The following ZNF718 variants were observed in gnomAD, a reference collection of about 807,000 sequenced individuals.
ZNF718 encodes the protein zinc finger protein 718.
A neutral mutation model predicts 2.6 loss-of-function variants in ZNF718; 3 were observed. The observed-to-expected ratio is 1.16, with a 90% CI of 0.53 to 3.01. ZNF718 has a LOEUF of 3.01. Among genes scored for constraint, ZNF718 ranks in the 30% most tolerant of loss-of-function variants. ZNF718 has a pLI of 0.03. For synonymous variants in ZNF718, 135 were observed against 77.9 expected, an observed-to-expected ratio of 1.73 and a Z score of -3.86; for missense variants, 468 against 230.0, an observed-to-expected ratio of 2.03 and a Z score of -6.69.
Position 145,098 on chromosome 4 carries a change from C to G in ZNF718, c.226+13593C>G, listed in dbSNP as rs182786656. Among the ~76,000 whole-genome samples, 131 of 151,428 alleles carry G rather than the reference C, an allele frequency of 8.7e-4. 1 individual carries two copies. The highest frequency in any genetic ancestry group is 3.1e-3 in the African/African-American group (127 of 40,764). The stretch of plus-strand genomic sequence containing the variant: ...TTCATGAGAGTAGAGCTCTCATAAC[C>G]TAATAGCTTCTTAAGGGGCTCACTT... On this transcript the variant is annotated intron_variant, in intron 3 of 3. Coordinates refer to ENST00000510175, the MANE Select transcript of ZNF718 (RefSeq NM_001039127.6).
At chr4:154,135 C>T (rs1553813151) in intron 3 of ZNF718, among the ~76,000 whole-genome samples, 1 of 152,182 alleles carries the variant, frequency 6.6e-6, no homozygotes, top group Non-Finnish European at 1.5e-5. Flanking sequence ...GTCTTGCCTC[C>T]TGCCATATAT....
At chr4:179,412 C>T (rs1308490844) in intron 3 of ZNF718, among the ~76,000 whole-genome samples, 7 of 152,136 alleles carry the variant, frequency 4.6e-5, no homozygotes, top group Admixed American at 3.3e-4. Context: ...TCAAATATCT[C>T]TGTAAGAGAA....
intron 3 of ZNF718, among the ~76,000 whole-genome samples, chr4:174,614 G>A (rs917174520): frequency 1.3e-5 from 2 of 152,142 alleles, no homozygotes; most frequent in African/African-American, 2.4e-5. Context: ...AAGAAACCTA[G>A]CTAACAGGAA....
chr4:160,936 A>C lies in ZNF718; in HGVS notation c.251A>C (p.Asn84Thr), dbSNP rs1472423904. 1.3e-6 allele frequency: 1 copy of C among 760,138 alleles called. No individual in the cohort carries two copies. Among genetic ancestry groups the C allele is most frequent in the Non-Finnish European group, 2.4e-6 (1 of 411,472 alleles). 47.1% of individuals were successfully genotyped at this position (760,138 alleles called of 1,614,324 possible). Residue 84 changes from asparagine (N) to threonine (T), a missense_variant, in exon 4 of 4, where the codon AAC (asparagine) becomes ACC (threonine). Coordinates refer to ENST00000510175, the MANE Select transcript of ZNF718 (RefSeq NM_001039127.6). ...GCTGTGTGTTCTCATTTCACCCAAA[A>C]CCTTTGGACAGTGCAGGGCATAGAA... The part of the protein sequence containing the change: ...PPAVCSHFTQ[N>T]LWTVQGIEDS...
At chr4:158,186 T>C (rs1443439174) in intron 3 of ZNF718, among the ~76,000 whole-genome samples, 1 of 152,162 alleles carries the variant, frequency 6.6e-6, no homozygotes, top group African/African-American at 2.4e-5. Context: ...TTGTGTAATA[T>C]AATTTTGACC....
chr4:169,203 C>G (rs2108809038), intron 3 of ZNF718, among the ~76,000 whole-genome samples: 1 of 152,176 alleles, frequency 6.6e-6, no homozygotes, highest in East Asian at 1.9e-4. Context: ...TTTGATTGCA[C>G]TGTGGTCTGA....
chr4:195,814 A>T (rs1301749959), intron 3 of ZNF718, among the ~76,000 whole-genome samples: 1 of 152,178 alleles, frequency 6.6e-6, no homozygotes, highest in Non-Finnish European at 1.5e-5. Flanking sequence ...CGCTGACAAC[A>T]AGGTAGTATT....
At chr4:202,290 C>A (rs1459667237) in exon 5 of ZNF718, 2 of 152,176 alleles carry the variant, frequency 1.3e-5, no homozygotes, top group African/African-American at 4.8e-5. Flanking sequence ...CATTAAACAT[C>A]TTTTTCTTTA....
intron 3 of ZNF718, among the ~76,000 whole-genome samples, chr4:170,565 C>G (rs1553817753): frequency 6.6e-6 from 1 of 152,074 alleles, no homozygotes; most frequent in Non-Finnish European, 1.5e-5. Flanking sequence ...TCTTTTTTCT[C>G]TAAACTTCTC....
Position 163,388 on chromosome 4 carries a change from C to T in ZNF718, c.*1266C>T, listed in dbSNP as rs1454382980. On this transcript the variant is annotated 3_prime_UTR_variant, in exon 4 of 4. Coordinates refer to ENST00000510175, the MANE Select transcript of ZNF718 (RefSeq NM_001039127.6). Reference sequence around the variant, plus strand: ...TATTTTTAGTAGAGACGGGGTTTCACCGTTTTAGCCGGGATGGTCTCGATC... The same window carrying T: ...TATTTTTAGTAGAGACGGGGTTTCATCGTTTTAGCCGGGATGGTCTCGATC... 1 of 152,118 alleles carries T rather than the reference C, an allele frequency of 6.6e-6. No homozygotes were observed. Among genetic ancestry groups the T allele is most frequent in the Non-Finnish European group, 1.5e-5 (1 of 68,012 alleles). The allele number at this position is 152,118 out of a possible 1,614,324, so 9.4% of individuals were successfully genotyped here. A position where few individuals can be genotyped will look rare whatever the true frequency, so the allele number is the denominator to read the frequency against.
intron 3 of ZNF718, among the ~76,000 whole-genome samples, chr4:157,410 C>T (rs868942027): frequency 6.6e-5 from 10 of 152,146 alleles, no homozygotes; most frequent in South Asian, 4.2e-4. Flanking sequence ...CCACCGCACC[C>T]GGCCTTGTTG....
At chr4:147,390 T>C (rs1716112859) in intron 3 of ZNF718, among the ~76,000 whole-genome samples, 2 of 152,132 alleles carry the variant, frequency 1.3e-5, no homozygotes, top group Admixed American at 6.6e-5. Context: ...GAGGTAAATA[T>C]CTTCTTCTGT....
chr4:167,198 C>G (rs1717109036), downstream of ZNF718, among the ~76,000 whole-genome samples: 1 of 152,030 alleles, frequency 6.6e-6, no homozygotes, highest in Non-Finnish European at 1.5e-5. Flanking sequence ...CTGTTCTGTT[C>G]CATTGGTCTA....
chr4:158,937 C>A (rs141848536), intron 3 of ZNF718, among the ~76,000 whole-genome samples: 5 of 144,252 alleles, frequency 3.5e-5, no homozygotes, highest in African/African-American at 1.3e-4. Flanking sequence ...TATACTTTTT[C>A]AGCATTTGGT....
chr4:166,559 G>A (rs1472560881), downstream of ZNF718, among the ~76,000 whole-genome samples: 1 of 152,146 alleles, frequency 6.6e-6, no homozygotes, highest in Non-Finnish European at 1.5e-5. Context: ...GTGTGAGGTG[G>A]TATCTCATTG....
At chr4:177,005 C>G in intron 3 of ZNF718, among the ~76,000 whole-genome samples, 1 of 152,160 alleles carries the variant, frequency 6.6e-6, no homozygotes, top group East Asian at 1.9e-4. Flanking sequence ...GCAAATTGGA[C>G]CAGAACATAC....
rs1553815713 is a variant in ZNF718 at position 162,225 on chromosome 4, A to T, written c.*103A>T. The stretch of plus-strand genomic sequence containing the variant: ...ACATGAAAAAATTGACAAAGCTTTT[A>T]ACCGCAACTCAATCTGTTCTAAACA... On this transcript the variant is annotated 3_prime_UTR_variant, in exon 4 of 4. Transcript: ENST00000510175. 1.4e-5 allele frequency: 8 copies of T among 584,378 alleles called. No homozygotes were observed. The highest frequency in any genetic ancestry group is 2.2e-5 in the Non-Finnish European group (7 of 321,796). The allele number at this position is 584,378 out of a possible 1,614,324, so 36.2% of individuals were successfully genotyped here.
intron 1 of ZNF718, 78 bp downstream of exon 1, chr4:124,751 G>C: frequency 6.3e-7 from 1 of 1,576,422 alleles, no homozygotes. Context: ...GGTGGGAGGA[G>C]TCTGTGAATG....
intron 3 of ZNF718, among the ~76,000 whole-genome samples, chr4:170,580 C>T (rs1327251949): frequency 6.6e-6 from 1 of 152,102 alleles, no homozygotes; most frequent in Non-Finnish European, 1.5e-5. Context: ...CTTCTCTTCT[C>T]ACTTCATTTC....
Sources: allele counts gnomAD v4.1 joint callset (sites outside exome capture counted in the v4.1 genomes callset), GRCh38; gene constraint gnomAD v4.1.1; transcripts MANE v1.5; gene names NCBI Gene and HGNC (gene_info 2026-07-23, HGNC 2026-07-21).